KANK4: variants seen among roughly 807,000 people sequenced by gnomAD.
KANK4 encodes KN motif and ankyrin repeat domain-containing protein 4.
In KANK4, 50 loss-of-function variants were observed where a neutral mutation model predicts 80.8. That is an observed-to-expected ratio of 0.62 (90% CI 0.49 to 0.78). The LOEUF (loss-of-function observed/expected upper bound fraction) is 0.78. KANK4 is among the 30% of genes least tolerant of loss of function. The pLI is 0.00. For missense variants in KANK4, 1,196 were observed against 1,240.1 expected (o/e 0.96, Z 0.53); for synonymous variants, 465 against 506.9 (o/e 0.92, Z 1.11).
At position 62,268,355 on chromosome 1, in the gene KANK4, AG is replaced by A; in HGVS notation, c.2162del (p.Pro721LeufsTer38). On this transcript the variant is annotated frameshift_variant, in exon 5 of 10. Transcript: ENST00000371153. LOFTEE classifies it high-confidence loss of function. ...HLTCEAGQGIPEGTCHAAQES... is the reference protein window; with the variant it reads ...HLTCEAGQGIXEGTCHAAQES... The stretch of plus-strand genomic sequence containing the variant: ...CCTGGGCAGCATGGCAGGTGCCCTC[AG>A]GGATGCCCTGCCCAGCCTCGCAGGT... 6.2e-7 allele frequency: 1 copy of A among 1,614,070 alleles called. No individual in the cohort carries two copies. The highest frequency in any genetic ancestry group is 8.5e-7 in the Non-Finnish European group (1 of 1,179,980).
rs1671214213 is a variant in KANK4 at position 62,236,921 on chromosome 1, C to T, written c.*1356G>A. On this transcript the variant is annotated 3_prime_UTR_variant, in exon 10 of 10. Coordinates refer to ENST00000371153, the MANE Select transcript of KANK4 (RefSeq NM_181712.5). ...ACAAATTGGATTTTGAAACTTCCATCAGCTGCTTCTTGTGCAGCACCTCCC... is the reference window on the plus strand; with the variant it reads ...ACAAATTGGATTTTGAAACTTCCATTAGCTGCTTCTTGTGCAGCACCTCCC... The T allele has an allele frequency of 6.6e-6, 1 of 152,066 alleles. No homozygotes were observed. The highest frequency in any genetic ancestry group is 6.6e-5 in the Admixed American group (1 of 15,256). The allele number at this position is 152,066 out of a possible 1,614,324, so 9.4% of individuals were successfully genotyped here.
chr1:62,284,096 A>G (rs1001368403), intron 1 of KANK4, among the ~76,000 whole-genome samples: 3 of 152,104 alleles, frequency 2.0e-5, no homozygotes, highest in African/African-American at 4.8e-5. Flanking sequence ...CGTGTGCACA[A>G]GTCACCACTT....
chr1:62,281,109 C>A (rs1386160707), intron 2 of KANK4, among the ~76,000 whole-genome samples: 1 of 152,186 alleles, frequency 6.6e-6, no homozygotes, highest in East Asian at 1.9e-4. Context: ...CCATCCAGCT[C>A]CCAGCCAAGT....
chr1:62,304,568 AC>A (rs1424642187), intron 1 of KANK4, among the ~76,000 whole-genome samples: 6 of 151,384 alleles, frequency 4.0e-5, no homozygotes, highest in Non-Finnish European at 7.4e-5. Flanking sequence ...CCCTCCACTG[AC>A]CTCAGGTGAC....
Position 62,274,882 on chromosome 1 carries a change from G to C in KANK4, c.222C>G (p.Ser74Arg). ...AKFSTLPRNF[S>R]LPDSGARPPA... is the part of the protein sequence containing the mutation. Reference sequence around the variant, plus strand: ...GGGGGCGAGCCCCACTGTCAGGAAGGCTGAAGTTTCGGGGCAGAGTGCTAA... The same window carrying C: ...GGGGGCGAGCCCCACTGTCAGGAAGCCTGAAGTTTCGGGGCAGAGTGCTAA... The change falls in exon 3 of 10, where the codon AGC (serine) becomes AGG (arginine). Residue 74 changes from serine to arginine, a missense_variant. Physicochemically the swap from Ser to Arg is moderately radical, Grantham distance 110. Transcript: ENST00000371153. The C allele has an allele frequency of 6.2e-7, 1 of 1,614,166 alleles. No homozygotes were observed. The highest frequency in any genetic ancestry group is 8.5e-7 in the Non-Finnish European group (1 of 1,180,002).
At chr1:62,259,287 T>G (rs1049096084) in intron 7 of KANK4, among the ~76,000 whole-genome samples, 1 of 152,156 alleles carries the variant, frequency 6.6e-6, no homozygotes, top group Non-Finnish European at 1.5e-5. Flanking sequence ...TTCTTTCTTT[T>G]TTTTTTTGAG....
At chr1:62,247,835 A>T (rs1385205111) in intron 8 of KANK4, among the ~76,000 whole-genome samples, 163 bp from the exon 9 acceptor site, 1 of 151,036 alleles carries the variant, frequency 6.6e-6, no homozygotes, top group Non-Finnish European at 1.5e-5. Context: ...GCAAAATTCT[A>T]CTCTTTTAAG....
At chr1:62,303,380 C>T (rs1178513119) in intron 1 of KANK4, among the ~76,000 whole-genome samples, 1 of 151,982 alleles carries the variant, frequency 6.6e-6, no homozygotes, top group African/African-American at 2.4e-5. Context: ...GCGGTATTTT[C>T]AACATCATGT....
rs76827207 is a variant in KANK4 at position 62,238,509 on chromosome 1, G to A, written c.2884-128C>T. On this transcript the variant is annotated intron_variant, in intron 9 of 9. Coordinates refer to ENST00000371153, the MANE Select transcript of KANK4 (RefSeq NM_181712.5). ...GTCTATTAAGGCTTCCAGAGACCTCGGTAGAGAAGATTCGAATGGCATGAG... is the reference window on the plus strand; with the variant it reads ...GTCTATTAAGGCTTCCAGAGACCTCAGTAGAGAAGATTCGAATGGCATGAG... The A allele has an allele frequency of 0.066, 43,759 of 662,182 alleles. 1,735 individuals carry two copies. The highest frequency in any genetic ancestry group is 0.11 in the African/African-American group (6,079 of 55,824). 41.0% of individuals were successfully genotyped at this position (662,182 alleles called of 1,614,324 possible).
At position 62,236,337 on chromosome 1, in the gene KANK4, T is replaced by C. The variant is rs1350359317; in HGVS notation, c.*1940A>G. Reference sequence around the variant, plus strand: ...CTAACAAGATCCCAGGTGATTTGTATGCACATAAATGTTCGCGAAGCACCG... The same window carrying C: ...CTAACAAGATCCCAGGTGATTTGTACGCACATAAATGTTCGCGAAGCACCG... On this transcript the variant is annotated 3_prime_UTR_variant, in exon 10 of 10. Coordinates refer to ENST00000371153, the MANE Select transcript of KANK4 (RefSeq NM_181712.5). Among the ~76,000 whole-genome samples, 1 of 152,238 alleles carries C rather than the reference T, an allele frequency of 6.6e-6. No individual in the cohort carries two copies. The highest frequency in any genetic ancestry group is 1.5e-5 in the Non-Finnish European group (1 of 68,052).
At chr1:62,239,757 A>T (rs1158518402) in intron 9 of KANK4, among the ~76,000 whole-genome samples, 1 of 152,138 alleles carries the variant, frequency 6.6e-6, no homozygotes, top group East Asian at 1.9e-4. Context: ...GAGTGAGAAC[A>T]TGTGGTGTTT....
chr1:62,254,339 C>T (rs1476333473), intron 7 of KANK4, among the ~76,000 whole-genome samples: 5 of 151,318 alleles, frequency 3.3e-5, no homozygotes, highest in Admixed American at 6.6e-5. Flanking sequence ...TTCTGCCTCC[C>T]GGGTTCAAGT....
chr1:62,243,666 T>G (rs1369098097), intron 9 of KANK4, among the ~76,000 whole-genome samples: 1 of 152,208 alleles, frequency 6.6e-6, no homozygotes, highest in East Asian at 1.9e-4. Context: ...TTGCTGTTCC[T>G]GTGCGTTGTA....
At chr1:62,305,314 T>C (rs1221248817) in intron 1 of KANK4, among the ~76,000 whole-genome samples, 2 of 152,188 alleles carry the variant, frequency 1.3e-5, no homozygotes, top group Non-Finnish European at 2.9e-5. Flanking sequence ...TTGAGATTTT[T>C]TTTTTCTTTT....
At chr1:62,238,905 T>C (rs546876133) in intron 9 of KANK4, among the ~76,000 whole-genome samples, 1 of 151,680 alleles carries the variant, frequency 6.6e-6, no homozygotes, top group African/African-American at 2.4e-5. Flanking sequence ...GCTGGGATTA[T>C]AGGTGTGAGC....
chr1:62,263,161 C>T lies in KANK4; in HGVS notation c.2470G>A (p.Gly824Arg), dbSNP rs1213102522. The change falls in exon 7 of 10, where the codon GGG (glycine) becomes AGG (arginine). Residue 824 changes from glycine (G) to arginine (R), a missense_variant. Gly to Arg is a moderately radical substitution (Grantham distance 125). Transcript: ENST00000371153. ...ACGCTGTAGTGAAGGGCCGTGTTCC[C>T]GTTGTGATCGGCCAAGTTGACAAGC... ...KLLVNLADHN[G>R]NTALHYSVSH... 12 of 1,613,926 alleles carry T rather than the reference C, an allele frequency of 7.4e-6. No individual in the cohort carries two copies. The highest frequency in any genetic ancestry group is 1.1e-5 in the South Asian group (1 of 91,020).
intron 6 of KANK4, among the ~76,000 whole-genome samples, chr1:62,264,274 G>A (rs147682370): frequency 0.021 from 3,228 of 152,156 alleles, 81 homozygotes; most frequent in Middle Eastern, 0.068. Flanking sequence ...AAAATTAGCC[G>A]GGCAAGGTGG....
In KANK4 at chr1:62,247,688, C is replaced by A; in HGVS notation, c.2683-16G>T. ...TCTGGCCTCCCTGCATGCAGAGCCA[C>A]AGGGATGTGGTGAGGTTGCTGCCAG... On this transcript the variant is annotated splice_polypyrimidine_tract_variant and intron_variant, in intron 8 of 9. Transcript: ENST00000371153. 3 of 1,612,178 alleles carry A rather than the reference C, an allele frequency of 1.9e-6. No homozygotes were observed. Among genetic ancestry groups the A allele is most frequent in the Non-Finnish European group, 2.5e-6 (3 of 1,179,646 alleles).
At chr1:62,301,510 GAAAA>G (rs1644411700) in intron 1 of KANK4, among the ~76,000 whole-genome samples, 1 of 152,096 alleles carries the variant, frequency 6.6e-6, no homozygotes, top group South Asian at 2.1e-4. Context: ...ATTAAATTAT[GAAAA>G]CAGCGTAGCC....
Sources: gnomAD v4.1 joint callset for allele counts (sites outside exome capture counted in the v4.1 genomes callset) on GRCh38, gnomAD v4.1.1 for gene constraint, MANE v1.5 for transcripts, NCBI Gene and HGNC (gene_info 2026-07-23, HGNC 2026-07-21) for gene names.